Variants in SUPT6H observed in about 807,000 individuals in gnomAD.
SUPT6H encodes the protein transcription elongation factor SPT6.
Under a neutral mutation model 222.3 loss-of-function variants are expected in SUPT6H, and 11 were observed. The observed-to-expected ratio is 0.05, with a 90% CI of 0.03 to 0.08. The LOEUF is 0.08. SUPT6H is among the 10% of genes least tolerant of loss of function. SUPT6H has a pLI of 1.00. For missense variants in SUPT6H, 1,422 were observed against 2,216.0 expected, an observed-to-expected ratio of 0.64 and a Z score of 7.19; for synonymous variants, 762 against 801.2, an observed-to-expected ratio of 0.95 and a Z score of 0.83.
At position 28,695,408 on chromosome 17, in the gene SUPT6H, A is replaced by G. The variant is rs770246776; in HGVS notation, c.3831A>G (p.Ala1277=). The change falls in exon 29 of 37, where the codon GCA becomes GCG. Residue 1277 remains alanine (A), a synonymous_variant. Coordinates refer to ENST00000314616, the MANE Select transcript of SUPT6H (RefSeq NM_003170.5). ...IMKIDIEKFS[A]DLTCRTSDLM... ...AGATTGACATTGAGAAGTTCAGTGC[A>G]GACCTGACCTGCCGCACCTCAGACC... 2 of 1,614,174 alleles carry G rather than the reference A, an allele frequency of 1.2e-6. No individual in the cohort carries two copies. The highest frequency in any genetic ancestry group is 2.2e-5 in the East Asian group (1 of 44,878).
chr17:28,698,110 C>T, intron 32 of SUPT6H, 80 bp downstream of exon 32: 1 of 1,514,574 alleles, frequency 6.6e-7, no homozygotes. Flanking sequence ...GGAGCAGTGC[C>T]CTCTCTGGCT....
chr17:28,662,521 C>G (rs1203680647), intron 1 of SUPT6H, among the ~76,000 whole-genome samples, 179 bp downstream of exon 1: 2 of 152,066 alleles, frequency 1.3e-5, no homozygotes, highest in African/African-American at 4.8e-5. Context: ...GCTCAGAGTC[C>G]GAAAGCTTTT....
Position 28,674,265 on chromosome 17 carries a change from A to G in SUPT6H, c.110-18A>G. ...CCTGTTTTTCAGTCTCCATGCCTCA[A>G]ACATGCATGTCTTCCAGATGAGGAG... On this transcript the variant is annotated intron_variant, in intron 2 of 36. Coordinates refer to ENST00000314616, the MANE Select transcript of SUPT6H (RefSeq NM_003170.5). 1 of 1,614,008 alleles carries G rather than the reference A, an allele frequency of 6.2e-7. No homozygotes were observed. Among genetic ancestry groups the G allele is most frequent in the South Asian group, 1.1e-5 (1 of 91,076 alleles).
At chr17:28,662,481 G>C (rs1299540161) in intron 1 of SUPT6H, 139 bp downstream of exon 1, 1 of 152,560 alleles carries the variant, frequency 6.6e-6, no homozygotes. Context: ...CCTGCTCTAT[G>C]GGGGGAAGGG....
chr17:28,682,587 C>G, intron 13 of SUPT6H, 140 bp from the exon 14 acceptor site: 1 of 1,267,676 alleles, frequency 7.9e-7, no homozygotes, highest in Non-Finnish European at 1.1e-6. Context: ...CACCACTGCA[C>G]TTTAGCCTGG....
chr17:28,665,771 CGTATAT>C (rs566700765), intron 1 of SUPT6H, among the ~76,000 whole-genome samples: 82 of 152,112 alleles, frequency 5.4e-4, no homozygotes, highest in African/African-American at 1.8e-3. Flanking sequence ...CTCAAAAAAA[CGTATAT>C]GTATATGTAT....
At chr17:28,665,540 C>A (rs1440955676) in intron 1 of SUPT6H, among the ~76,000 whole-genome samples, 1 of 151,966 alleles carries the variant, frequency 6.6e-6, no homozygotes, top group Non-Finnish European at 1.5e-5. Context: ...GGCGGATCAC[C>A]TGAGGTCAGG....
intron 35 of SUPT6H, 171 bp from the exon 36 acceptor site, chr17:28,700,770 C>T: frequency 1.0e-6 from 1 of 960,750 alleles, no homozygotes; most frequent in Non-Finnish European, 1.6e-6. Context: ...GTGGGCACCA[C>T]TGTGTGCTCG....
rs144305255 is a variant in SUPT6H, at chr17:28,674,353, C to T, written c.180C>T (p.Asp60=). ...EQGNLKGFIN[D]DDDEDEGEED... The stretch of plus-strand genomic sequence containing the variant: ...GCAACTTGAAAGGCTTTATCAATGA[C>T]GATGATGATGAAGATGAAGGGGAGG... Residue 60 remains aspartate (D), a synonymous_variant, in exon 3 of 37, where the codon GAC becomes GAT. Transcript: ENST00000314616. 119 of 1,613,856 alleles carry T rather than the reference C, an allele frequency of 7.4e-5. No individual in the cohort carries two copies. Among genetic ancestry groups the T allele is most frequent in the Non-Finnish European group, 8.9e-5 (105 of 1,180,020 alleles).
intron 1 of SUPT6H, among the ~76,000 whole-genome samples, chr17:28,667,403 G>GTATATA (rs1432342239): frequency 0.1 from 4,210 of 42,016 alleles, 324 homozygotes; most frequent in Non-Finnish European, 0.15. Context: ...AAGTGTGTGT[G>GTATATA]TGTATATATA....
intron 11 of SUPT6H, among the ~76,000 whole-genome samples, chr17:28,679,867 G>A (rs1389484469): frequency 3.3e-5 from 5 of 150,114 alleles, no homozygotes; most frequent in African/African-American, 9.8e-5. Context: ...ACAGGCGCCT[G>A]TAATTCCAGC....
chr17:28,663,089 A>G (rs1223529284), intron 1 of SUPT6H, among the ~76,000 whole-genome samples: 6 of 152,258 alleles, frequency 3.9e-5, no homozygotes, highest in East Asian at 1.9e-4. Flanking sequence ...TTCCGTGGAA[A>G]TTCACTGTAA....
rs1597724456 is a variant in SUPT6H at position 28,701,222 on chromosome 17, C to A, written c.4994+94C>A. The A allele has an allele frequency of 1.7e-5, 26 of 1,488,578 alleles. No individual in the cohort carries two copies. In the East Asian group the frequency reaches 5.9e-4, roughly 34 times the overall value. The allele number at this position is 1,488,578 out of a possible 1,614,324, so 92.2% of individuals were successfully genotyped here. ...CTTAGCAGAGGCAGGTGCTCTGGAT[C>A]CTCTGAGGGCCCTGACCACATGATA... On this transcript the variant is annotated intron_variant, in intron 36 of 36. Coordinates refer to ENST00000314616, the MANE Select transcript of SUPT6H (RefSeq NM_003170.5).
intron 6 of SUPT6H, 111 bp downstream of exon 6, chr17:28,675,596 T>A: frequency 8.9e-7 from 1 of 1,122,690 alleles, no homozygotes; most frequent in South Asian, 1.3e-5. Flanking sequence ...TTGCAGCCAT[T>A]TTGCTTCCCT....
At chr17:28,682,653 A>G (rs1216238361) in intron 13 of SUPT6H, 74 bp from the exon 14 acceptor site, 4 of 1,566,888 alleles carry the variant, frequency 2.6e-6, no homozygotes, top group Admixed American at 1.9e-5. Flanking sequence ...CAGAATTCCA[A>G]CTCCAGATTC....
chr17:28,675,903 C>T (rs2030718541), intron 6 of SUPT6H, among the ~76,000 whole-genome samples: 1 of 152,174 alleles, frequency 6.6e-6, no homozygotes, highest in East Asian at 1.9e-4. Context: ...AAGACATAGA[C>T]CCGTCTGCTC....
rs756151964 is a variant in SUPT6H, at chr17:28,678,985, C to G, written c.1349+22C>G. The G allele has an allele frequency of 6.2e-6, 10 of 1,613,932 alleles. No homozygotes were observed. In the East Asian group the frequency reaches 1.3e-4, roughly 22 times the overall value. ...AGAGGTAAAACATGCGGTGTTTATT[C>G]CATTATGGGAAGCCCTCAGACCCCA... On this transcript the variant is annotated intron_variant, in intron 11 of 36. Coordinates refer to ENST00000314616, the MANE Select transcript of SUPT6H (RefSeq NM_003170.5).
In SUPT6H at chr17:28,702,537, C is replaced by G. The variant is rs2032173243; in HGVS notation, c.*912C>G. 6.6e-6 allele frequency: 1 copy of G among 152,424 alleles called. No homozygotes were observed. Among genetic ancestry groups the G allele is most frequent in the Non-Finnish European group, 1.5e-5 (1 of 68,102 alleles). The allele number at this position is 152,424 out of a possible 1,614,324, so 9.4% of individuals were successfully genotyped here. Reference sequence around the variant, plus strand: ...AAGGCAGCGTGTGCAAGCTCCTTGGCCCAACGCCTGGTACGTCGCAAATGT... The same window carrying G: ...AAGGCAGCGTGTGCAAGCTCCTTGGGCCAACGCCTGGTACGTCGCAAATGT... On this transcript the variant is annotated 3_prime_UTR_variant, in exon 37 of 37. Transcript: ENST00000314616.
At chr17:28,664,568 C>G (rs917818314) in intron 1 of SUPT6H, among the ~76,000 whole-genome samples, 14 of 152,224 alleles carry the variant, frequency 9.2e-5, no homozygotes, top group African/African-American at 3.4e-4. Flanking sequence ...CTACATGCTT[C>G]CCTTTAGGTA....
Sources: allele counts gnomAD v4.1 joint callset (sites outside exome capture counted in the v4.1 genomes callset), GRCh38; gene constraint gnomAD v4.1.1; transcripts MANE v1.5; gene names NCBI Gene and HGNC (gene_info 2026-07-23, HGNC 2026-07-21).